MACROD2: variants seen among roughly 807,000 people sequenced by gnomAD.
The protein encoded by MACROD2 is mono-ADP ribosylhydrolase 2.
A neutral mutation model predicts 70.4 loss-of-function variants in MACROD2; 36 were observed. That is an observed-to-expected ratio of 0.51 (90% CI 0.39 to 0.68). The LOEUF is 0.68. MACROD2 is among the 30% of genes least tolerant of loss of function. The pLI, the probability that MACROD2 is intolerant of heterozygous loss-of-function variation, is 0.00. For synonymous variants in MACROD2, 172 were observed against 178.8 expected (o/e 0.96, Z 0.30); for missense variants, 496 against 538.4 (o/e 0.92, Z 0.78).
At chr20:15,817,462 C>G (rs1030238407) in intron 8 of MACROD2, among the ~76,000 whole-genome samples, 2 of 152,116 alleles carry the variant, frequency 1.3e-5, no homozygotes, top group Admixed American at 6.5e-5. Flanking sequence ...TTGCTAAACA[C>G]GATACTTTCT....
intron 5 of MACROD2, among the ~76,000 whole-genome samples, chr20:14,690,073 C>G (rs2123608011): frequency 1.8e-5 from 1 of 54,276 alleles, no homozygotes; most frequent in East Asian, 6.7e-4. Context: ...GGAGTTTCTC[C>G]TAAGGAGAAA....
At chr20:15,035,279 C>T (rs777149028) in intron 5 of MACROD2, among the ~76,000 whole-genome samples, 14 of 152,002 alleles carry the variant, frequency 9.2e-5, no homozygotes, top group Non-Finnish European at 2.1e-4. Flanking sequence ...TGGCATGCAC[C>T]AGTAGTCCTA....
At position 14,744,582 on chromosome 20, in the gene MACROD2, T is replaced by C. The variant is rs144175214; in HGVS notation, c.418+59623T>C. 2.0e-5 allele frequency among the ~76,000 whole-genome samples: 3 copies of C among 152,332 alleles called. No individual in the cohort carries two copies. The East Asian group carries it at 5.8e-4, about 29-fold the overall frequency. On this transcript the variant is annotated intron_variant, in intron 5 of 17. Transcript: ENST00000684519. ...GAGAAAATGGCGGTCATAGTTCACA[T>C]CTGTATTTTCACACATTGAGTAGGC...
chr20:15,043,368 T>C (rs927735887), intron 5 of MACROD2, among the ~76,000 whole-genome samples: 8 of 152,244 alleles, frequency 5.3e-5, no homozygotes, highest in African/African-American at 1.9e-4. Context: ...GGCATTGCTG[T>C]GCCTTTGCAT....
intron 3 of MACROD2, among the ~76,000 whole-genome samples, chr20:14,446,691 T>G (rs2084186440): frequency 6.6e-6 from 1 of 152,086 alleles, no homozygotes; most frequent in African/African-American, 2.4e-5. Context: ...GAGCCCTGTT[T>G]GTGTAAGAAT....
intron 5 of MACROD2, among the ~76,000 whole-genome samples, chr20:15,139,148 C>T (rs1156657771): frequency 6.6e-6 from 1 of 152,152 alleles, no homozygotes. Context: ...TCTGCTCATC[C>T]ATGCTTATAA....
chr20:15,893,995 AG>A (rs1430058775), intron 10 of MACROD2: 1 of 450,788 alleles, frequency 2.2e-6, no homozygotes, highest in Non-Finnish European at 4.5e-6. Context: ...GCTGGGCTCT[AG>A]GGTCTCGCTT....
At chr20:15,141,131 T>C (rs769321619) in intron 5 of MACROD2, among the ~76,000 whole-genome samples, 41 of 151,532 alleles carry the variant, frequency 2.7e-4, no homozygotes, top group Non-Finnish European at 4.9e-4. Context: ...TACATGTGTT[T>C]GCATAAGGAG....
intron 5 of MACROD2, among the ~76,000 whole-genome samples, chr20:14,839,442 A>G (rs1296271199): frequency 6.6e-6 from 1 of 152,148 alleles, no homozygotes; most frequent in Non-Finnish European, 1.5e-5. Flanking sequence ...ACAAAGAAAC[A>G]TGATCTTTGT....
At chr20:16,008,466 C>T (rs2066819323) in intron 15 of MACROD2, among the ~76,000 whole-genome samples, 1 of 152,116 alleles carries the variant, frequency 6.6e-6, no homozygotes, top group South Asian at 2.1e-4. Context: ...TGAACTTCTC[C>T]CTGGGTGAGG....
intron 4 of MACROD2, among the ~76,000 whole-genome samples, chr20:14,539,943 C>T (rs370124289): frequency 1.3e-5 from 2 of 152,232 alleles, no homozygotes; most frequent in East Asian, 3.9e-4. Context: ...AAATCTGTTT[C>T]ACATGTGAAC....
intron 3 of MACROD2, among the ~76,000 whole-genome samples, chr20:14,356,915 G>T (rs1424199504): frequency 6.6e-6 from 1 of 152,148 alleles, no homozygotes; most frequent in African/African-American, 2.4e-5. Context: ...CTCCAAGTGG[G>T]CTTCTTCAGG....
chr20:15,081,785 C>G (rs2123135902), intron 5 of MACROD2, among the ~76,000 whole-genome samples: 1 of 152,224 alleles, frequency 6.6e-6, no homozygotes, highest in East Asian at 1.9e-4. Context: ...TTAATCCTAT[C>G]AGGAATTAAA....
intron 8 of MACROD2, among the ~76,000 whole-genome samples, chr20:15,741,300 C>A (rs1362806980): frequency 2.6e-5 from 4 of 151,368 alleles, no homozygotes; most frequent in Non-Finnish European, 5.9e-5. Flanking sequence ...GGGGTTTCAC[C>A]ATGTTGACCA....
chr20:14,371,846 G>T (rs1294390806), intron 3 of MACROD2, among the ~76,000 whole-genome samples: 1 of 151,546 alleles, frequency 6.6e-6, no homozygotes, highest in Non-Finnish European at 1.5e-5. Context: ...TGAAGAATGG[G>T]AATGAAGATT....
chr20:14,474,265 T>C (rs1187616152), intron 3 of MACROD2, among the ~76,000 whole-genome samples: 2 of 152,196 alleles, frequency 1.3e-5, no homozygotes, highest in African/African-American at 4.8e-5. Context: ...TGTTATGTTA[T>C]GAAGTGTTTG....
chr20:15,813,850 T>A (rs1299286560), intron 8 of MACROD2, among the ~76,000 whole-genome samples: 1 of 152,184 alleles, frequency 6.6e-6, no homozygotes, highest in Non-Finnish European at 1.5e-5. Context: ...CATGTGTACA[T>A]AGGGAAGAAA....
chr20:14,278,260 A>C (rs1467695432), intron 3 of MACROD2, among the ~76,000 whole-genome samples: 3 of 152,218 alleles, frequency 2.0e-5, no homozygotes, highest in Non-Finnish European at 4.4e-5. Flanking sequence ...GTTTCTTTCA[A>C]AGGTATTCAG....
At chr20:15,953,830 C>T (rs1466631101) in intron 12 of MACROD2, among the ~76,000 whole-genome samples, 3 of 152,016 alleles carry the variant, frequency 2.0e-5, no homozygotes, top group Non-Finnish European at 4.4e-5. Context: ...GAAGTCGTTC[C>T]CTCAAAACTG....
Sources: allele counts gnomAD v4.1 joint callset (sites outside exome capture counted in the v4.1 genomes callset), GRCh38; gene constraint gnomAD v4.1.1; transcripts MANE v1.5; gene names NCBI Gene and HGNC (gene_info 2026-07-23, HGNC 2026-07-21).